AGO3: variants seen among roughly 807,000 people sequenced by gnomAD.
The protein encoded by AGO3 is protein argonaute-3.
In AGO3, 16 loss-of-function variants were observed where a neutral mutation model predicts 105.5. The observed-to-expected ratio is 0.15, with a 90% CI of 0.10 to 0.23. The LOEUF (loss-of-function observed/expected upper bound fraction) is 0.23. Ranked by LOEUF, AGO3 falls within the 10% of genes least tolerant of loss-of-function variation. The pLI is 1.00. For synonymous variants in AGO3, 340 were observed against 367.3 expected (o/e 0.93, Z 0.85); for missense variants, 534 against 1,088.0 (o/e 0.49, Z 7.16).
chr1:36,009,158 T>C, intron 8 of AGO3, 114 bp downstream of exon 8: 1 of 1,256,694 alleles, frequency 8.0e-7, no homozygotes, highest in Non-Finnish European at 1.0e-6. Flanking sequence ...GAACTGTTTT[T>C]AAGTTTTAAT....
At chr1:35,960,952 A>G (rs201152388) in intron 2 of AGO3, among the ~76,000 whole-genome samples, 10 of 129,930 alleles carry the variant, frequency 7.7e-5, no homozygotes, top group African/African-American at 2.9e-4. Context: ...TTTTATTTTT[A>G]TTTTTTTTTG....
At position 36,014,065 on chromosome 1, in the gene AGO3, C is replaced by T; in HGVS notation, c.1406+17C>T. The T allele has an allele frequency of 6.2e-7, 1 of 1,613,822 alleles. No homozygotes were observed. Among genetic ancestry groups the T allele is most frequent in the South Asian group, 1.1e-5 (1 of 91,048 alleles). On this transcript the variant is annotated intron_variant, in intron 11 of 18. Transcript: ENST00000373191. ...AATATTGAAGTAAGACATGTCATTA[C>T]CTTGGCTTTGGGACTTTTTTGTGTT...
intron 11 of AGO3, among the ~76,000 whole-genome samples, chr1:36,014,825 A>G (rs1640815489): frequency 6.6e-6 from 1 of 151,844 alleles, no homozygotes; most frequent in Admixed American, 6.6e-5. Context: ...TTTGTTAGTC[A>G]TAGTAAATTC....
At chr1:35,952,288 G>A (rs1646489129) in intron 2 of AGO3, among the ~76,000 whole-genome samples, 1 of 151,290 alleles carries the variant, frequency 6.6e-6, no homozygotes, top group Non-Finnish European at 1.5e-5. Flanking sequence ...GACTACAGGC[G>A]CCTGCCACCA....
intron 2 of AGO3, among the ~76,000 whole-genome samples, chr1:35,959,671 A>C (rs1348922495): frequency 6.6e-6 from 1 of 152,030 alleles, no homozygotes; most frequent in Non-Finnish European, 1.5e-5. Context: ...AAAAGATTCC[A>C]CTCCTAACCC....
chr1:36,004,229 T>C lies in AGO3; in HGVS notation c.659-112T>C, dbSNP rs72661654. The stretch of plus-strand genomic sequence containing the variant: ...TTTTGGAAATTTGTATGTACATAAA[T>C]GTGCATAAAGGATCATTTTAACCCT... On this transcript the variant is annotated intron_variant, in intron 5 of 18. Transcript: ENST00000373191. The C allele has an allele frequency of 8.3e-3, 9,446 of 1,139,678 alleles. 61 individuals are homozygous for C. The highest frequency in any genetic ancestry group is 0.01 in the Non-Finnish European group (8,385 of 838,342). The allele number at this position is 1,139,678 out of a possible 1,614,324, so 70.6% of individuals were successfully genotyped here.
At chr1:35,960,643 T>A (rs116905355) in intron 2 of AGO3, among the ~76,000 whole-genome samples, 2,234 of 152,050 alleles carry the variant, frequency 0.015, 149 homozygotes, top group Admixed American at 0.12. Flanking sequence ...CCCCATCTCT[T>A]TAAAAAAAAT....
At chr1:36,028,594 C>T (rs1055686886) in intron 12 of AGO3, among the ~76,000 whole-genome samples, 4 of 151,808 alleles carry the variant, frequency 2.6e-5, no homozygotes, top group African/African-American at 7.3e-5. Context: ...TTTATGGCTG[C>T]GTAGTATTCC....
At chr1:35,972,713 C>G (rs1394744543) in intron 4 of AGO3, among the ~76,000 whole-genome samples, 1 of 151,946 alleles carries the variant, frequency 6.6e-6, no homozygotes, top group Non-Finnish European at 1.5e-5. Flanking sequence ...TGGTCTCACT[C>G]TGTCACCCAG....
intron 5 of AGO3, among the ~76,000 whole-genome samples, chr1:36,003,823 G>GAATAGATAGTCTAGGGTGGCATAGA (rs1553165871): frequency 2.7e-5 from 4 of 146,628 alleles, no homozygotes; most frequent in Non-Finnish European, 6.0e-5. Flanking sequence ...ACTCTCTTTA[G>GAATAGATAGTCTAGGGTGGCATAGA]AATAGATAGT....
chr1:35,953,527 ATTT>A (rs755046844), intron 2 of AGO3, among the ~76,000 whole-genome samples: 2 of 140,884 alleles, frequency 1.4e-5, no homozygotes, highest in Non-Finnish European at 1.6e-5. Flanking sequence ...TCCTTTGCTA[ATTT>A]TTTTTTTTTT....
rs1642900185 is a variant in AGO3 at position 36,055,839 on chromosome 1, C to T, written c.*94C>T. On this transcript the variant is annotated 3_prime_UTR_variant, in exon 19 of 19. Coordinates refer to ENST00000373191, the MANE Select transcript of AGO3 (RefSeq NM_024852.4). This position sits in a 1 kb window ranked among gnomAD's most constrained non-coding sequence, Gnocchi z 4.4. ...GAAGTCAATTGAGTAAGGACACCTC[C>T]AGCCATACAGAAACCAACACTGTGT... 8.1e-7 allele frequency: 1 copy of T among 1,235,156 alleles called. No individual in the cohort carries two copies. The highest frequency in any genetic ancestry group is 2.0e-5 in the Admixed American group (1 of 49,770). The allele number at this position is 1,235,156 out of a possible 1,614,324, so 76.5% of individuals were successfully genotyped here. A position where few individuals can be genotyped will look rare whatever the true frequency, so the allele number is the denominator to read the frequency against.
chr1:36,017,866 G>A (rs867227874), intron 11 of AGO3, among the ~76,000 whole-genome samples: 9 of 152,142 alleles, frequency 5.9e-5, no homozygotes, highest in Middle Eastern at 3.4e-3. Context: ...TCACGCCACT[G>A]CATCCCAGCC....
intron 17 of AGO3, among the ~76,000 whole-genome samples, chr1:36,044,285 T>C (rs1039328006): frequency 6.6e-6 from 1 of 151,612 alleles, no homozygotes; most frequent in Non-Finnish European, 1.5e-5. Flanking sequence ...CAGAGGGAGG[T>C]TGCCATGAGC....
intron 11 of AGO3, among the ~76,000 whole-genome samples, chr1:36,019,838 G>A (rs1315199119): frequency 5.3e-5 from 8 of 152,054 alleles, no homozygotes; most frequent in East Asian, 1.9e-4. Context: ...GTGCGATCTC[G>A]GCTCACTGCA....
At position 36,027,294 on chromosome 1, in the gene AGO3, G is replaced by A; in HGVS notation, c.1587G>A (p.Val529=). ...TCATCCTGCCGGGGAAGACACCAGT[G>A]TATGGTAAGGATATCTTAAGACTGC... is the stretch of plus-strand genomic sequence containing the variant. ...IIVILPGKTP[V]YAEVKRVGDT... The change falls in exon 12 of 19, where the codon GTG becomes GTA. Residue 529 remains valine, a synonymous_variant. Coordinates refer to ENST00000373191, the MANE Select transcript of AGO3 (RefSeq NM_024852.4). This position sits in a 1 kb window ranked among gnomAD's most constrained non-coding sequence, Gnocchi z 4.0. The A allele has an allele frequency of 6.2e-7, 1 of 1,609,846 alleles. No homozygotes were observed. Among genetic ancestry groups the A allele is most frequent in the Non-Finnish European group, 8.5e-7 (1 of 1,177,312 alleles).
intron 12 of AGO3, among the ~76,000 whole-genome samples, chr1:36,031,466 CTT>C (rs1641771578): frequency 2.3e-5 from 3 of 132,094 alleles, no homozygotes; most frequent in Admixed American, 8.1e-5. Context: ...TTGAGAAACT[CTT>C]TATTTCTCCT....
Position 36,061,698 on chromosome 1 carries a change from C to T in AGO3, c.*5953C>T, listed in dbSNP as rs750793768. On this transcript the variant is annotated 3_prime_UTR_variant, in exon 19 of 19. Coordinates refer to ENST00000373191, the MANE Select transcript of AGO3 (RefSeq NM_024852.4). Reference sequence around the variant, plus strand: ...TGTTAGGGTCTCAGTAAAGCAAAGACGTTTGTCAGGGCGTAGACTCTTGAG... The same window carrying T: ...TGTTAGGGTCTCAGTAAAGCAAAGATGTTTGTCAGGGCGTAGACTCTTGAG... 2.0e-5 allele frequency: 3 copies of T among 152,124 alleles called. No homozygotes were observed. Among genetic ancestry groups the T allele is most frequent in the Non-Finnish European group, 2.9e-5 (2 of 68,022 alleles). The allele number at this position is 152,124 out of a possible 1,614,324, so 9.4% of individuals were successfully genotyped here.
At position 36,058,932 on chromosome 1, in the gene AGO3, G is replaced by A. The variant is rs1299530395; in HGVS notation, c.*3187G>A. The A allele has an allele frequency of 6.6e-6, 1 of 152,072 alleles. No homozygotes were observed. The highest frequency in any genetic ancestry group is 2.4e-5 in the African/African-American group (1 of 41,428). The allele number at this position is 152,072 out of a possible 1,614,324, so 9.4% of individuals were successfully genotyped here. A position where few individuals can be genotyped will look rare whatever the true frequency, so the allele number is the denominator to read the frequency against. ...ATAAAAATTTAATTCGTCTATGCTT[G>A]ATCAGTGTGAGTAAAACATCTTCCT... is the stretch of plus-strand genomic sequence containing the variant. On this transcript the variant is annotated 3_prime_UTR_variant, in exon 19 of 19. Transcript: ENST00000373191.
Sources: allele counts gnomAD v4.1 joint callset (sites outside exome capture counted in the v4.1 genomes callset), GRCh38; gene constraint gnomAD v4.1.1; non-coding constraint Gnocchi (gnomAD v3.1); transcripts MANE v1.5; gene names NCBI Gene and HGNC (gene_info 2026-07-23, HGNC 2026-07-21).